Variants in CLEC1A observed in about 807,000 individuals in gnomAD.
CLEC1A encodes C-type lectin-like receptor-1.
Under a neutral mutation model 28.7 loss-of-function variants are expected in CLEC1A, and 34 were observed. That is an observed-to-expected ratio of 1.18 (90% CI 0.90 to 1.57). The LOEUF is 1.57. CLEC1A is among the 40% of genes most tolerant of loss of function. The pLI is 0.00. For synonymous variants in CLEC1A, 116 were observed against 121.0 expected (o/e 0.96, Z 0.27); for missense variants, 385 against 339.5 (o/e 1.13, Z -1.05).
intron 3 of CLEC1A, among the ~76,000 whole-genome samples, chr12:10,078,945 C>A (rs192123431): frequency 1.4e-4 from 22 of 152,322 alleles, no homozygotes; most frequent in Admixed American, 8.5e-4. Flanking sequence ...CACTTTCCCC[C>A]ATGTGTGGAA....
chr12:10,080,700 C>T lies in CLEC1A; in HGVS notation c.391+537G>A, dbSNP rs188825675. Among the ~76,000 whole-genome samples, 448 of 152,320 alleles carry T rather than the reference C, an allele frequency of 2.9e-3. 4 individuals carry two copies. Among genetic ancestry groups the T allele is most frequent in the African/African-American group, 0.01 (418 of 41,564 alleles). The stretch of plus-strand genomic sequence containing the variant: ...ACACTGAAGCGATGCTCCTAGACTT[C>T]TCCAGCAGTAATTTTATCAACGGTG... On this transcript the variant is annotated intron_variant, in intron 3 of 5. Transcript: ENST00000315330.
In CLEC1A at chr12:10,073,381, A is replaced by T. The variant is rs529271340; in HGVS notation, c.574T>A (p.Phe192Ile). 22 of 1,613,790 alleles carry T rather than the reference A, an allele frequency of 1.4e-5. No homozygotes were observed. The Middle Eastern group carries it at 6.6e-4, about 48-fold the overall frequency. ...AGCCCTGTCCAATAAGAGTAGAAAA[A>T]CTCAGAGTAGCTCTGAGACGCGGCA... ...EFAASQSYSEFFYSYWTGLLR... is the reference protein window; with the variant it reads ...EFAASQSYSEIFYSYWTGLLR... Residue 192 changes from phenylalanine to isoleucine, a missense_variant, in exon 5 of 6, where the codon TTT (phenylalanine) becomes ATT (isoleucine). Physicochemically the swap from Phe to Ile is conservative, Grantham distance 21. Coordinates refer to ENST00000315330, the MANE Select transcript of CLEC1A (RefSeq NM_016511.4).
intron 1 of CLEC1A, among the ~76,000 whole-genome samples, chr12:10,089,447 T>C (rs576897306): frequency 3.2e-4 from 49 of 152,160 alleles, no homozygotes; most frequent in Admixed American, 3.2e-3. Flanking sequence ...CACCCGTTTG[T>C]ATCCACCCCT....
chr12:10,096,934 C>G (rs2137378282), intron 1 of CLEC1A, among the ~76,000 whole-genome samples: 1 of 152,250 alleles, frequency 6.6e-6, no homozygotes, highest in East Asian at 1.9e-4. Context: ...AAGCTCTCGG[C>G]TGTACTGTAC....
intron 2 of CLEC1A, among the ~76,000 whole-genome samples, chr12:10,084,821 C>CAAAA (rs57574014): frequency 0.034 from 2,851 of 83,286 alleles, 198 homozygotes; most frequent in African/African-American, 0.1. Context: ...GACTCTGTAT[C>CAAAA]AAAAAAAAAA....
At chr12:10,083,530 G>A (rs949227678) in intron 2 of CLEC1A, among the ~76,000 whole-genome samples, 13 of 152,292 alleles carry the variant, frequency 8.5e-5, no homozygotes, top group African/African-American at 3.1e-4. Flanking sequence ...ACGCAGTAGT[G>A]TGATCTTGGC....
rs750241979 is a variant in CLEC1A at position 10,089,172 on chromosome 12, T to C, written c.166A>G (p.Thr56Ala). ...TWRPVALTLL[T>A]LCLVLLIGLA... Reference sequence around the variant, plus strand: ...CCTATCAGCAGCACCAAGCACAAAGTCAGCAGGGTCAGGGCCACTGGTCGC... The same window carrying C: ...CCTATCAGCAGCACCAAGCACAAAGCCAGCAGGGTCAGGGCCACTGGTCGC... Residue 56 changes from threonine to alanine, a missense_variant, in exon 2 of 6, where the codon ACT becomes GCT. Physicochemically the swap from Thr to Ala is moderately conservative, Grantham distance 58. Transcript: ENST00000315330. 2.5e-6 allele frequency: 4 copies of C among 1,614,016 alleles called. No homozygotes were observed. Among genetic ancestry groups the C allele is most frequent in the Non-Finnish European group, 3.4e-6 (4 of 1,179,952 alleles).
intron 1 of CLEC1A, 135 bp downstream of exon 1, chr12:10,098,670 CACT>C (rs1947809005): frequency 1.8e-6 from 1 of 560,684 alleles, no homozygotes; most frequent in South Asian, 2.8e-5. Flanking sequence ...AAAAAAAAAT[CACT>C]ACTATGTCAC....
intron 2 of CLEC1A, among the ~76,000 whole-genome samples, chr12:10,086,781 G>C (rs2137357734): frequency 6.6e-6 from 1 of 152,258 alleles, no homozygotes; most frequent in Middle Eastern, 3.4e-3. Flanking sequence ...AATAGAGAAA[G>C]AGAATCTTCC....
At chr12:10,089,553 A>G (rs1429155624) in intron 1 of CLEC1A, among the ~76,000 whole-genome samples, 1 of 151,980 alleles carries the variant, frequency 6.6e-6, no homozygotes, top group Non-Finnish European at 1.5e-5. Flanking sequence ...TAATTATGAA[A>G]GACTCTCACG....
chr12:10,071,856 T>C (rs1203488984), intron 5 of CLEC1A, among the ~76,000 whole-genome samples: 5 of 152,232 alleles, frequency 3.3e-5, no homozygotes, highest in African/African-American at 9.7e-5. Flanking sequence ...AAATATATCC[T>C]GTCTCCTGGG....
At chr12:10,094,603 A>G (rs1330140603) in intron 1 of CLEC1A, among the ~76,000 whole-genome samples, 1 of 152,142 alleles carries the variant, frequency 6.6e-6, no homozygotes, top group East Asian at 1.9e-4. Context: ...GCACAGAGCT[A>G]CCCAAGCTGA....
At chr12:10,084,840 A>T (rs1193967923) in intron 2 of CLEC1A, among the ~76,000 whole-genome samples, 1 of 143,646 alleles carries the variant, frequency 7.0e-6, no homozygotes, top group African/African-American at 2.7e-5. Context: ...AAAAAAAAAA[A>T]AAAGAAAAGA....
rs1195100398 is a variant in CLEC1A at position 10,069,568 on chromosome 12, C to T, written c.*1765G>A. 1 of 152,104 alleles carries T rather than the reference C, an allele frequency of 6.6e-6. No individual in the cohort carries two copies. The highest frequency in any genetic ancestry group is 1.5e-5 in the Non-Finnish European group (1 of 68,010). 9.4% of individuals were successfully genotyped at this position (152,104 alleles called of 1,614,324 possible). A position where few individuals can be genotyped will look rare whatever the true frequency, so the allele number is the denominator to read the frequency against. ...CATTATGAAACTGATTTCACATTTA[C>T]TTTATTTCAGCTAACAGTAACATTA... is the stretch of plus-strand genomic sequence containing the variant. On this transcript the variant is annotated 3_prime_UTR_variant, in exon 6 of 6. Coordinates refer to ENST00000315330, the MANE Select transcript of CLEC1A (RefSeq NM_016511.4).
At position 10,071,459 on chromosome 12, in the gene CLEC1A, G is replaced by T. The variant is rs1297028522; in HGVS notation, c.717C>A (p.Ile239=). Residue 239 remains isoleucine, a synonymous_variant, in exon 6 of 6, where the codon ATC becomes ATA. Coordinates refer to ENST00000315330, the MANE Select transcript of CLEC1A (RefSeq NM_016511.4). ...CCTTTGAGAAGATCATCCCATTAAG[G>T]ATGGCCACACAGTCTCTGCTTCTTG... is the stretch of plus-strand genomic sequence containing the variant. The part of the protein sequence containing the change: ...TSPRSRDCVA[I]LNGMIFSKDC... 1 of 1,613,656 alleles carries T rather than the reference G, an allele frequency of 6.2e-7. No homozygotes were observed. Among genetic ancestry groups the T allele is most frequent in the Non-Finnish European group, 8.5e-7 (1 of 1,179,802 alleles).
At chr12:10,083,184 AC>A (rs1382907886) in intron 2 of CLEC1A, among the ~76,000 whole-genome samples, 3 of 152,312 alleles carry the variant, frequency 2.0e-5, no homozygotes, top group Admixed American at 6.5e-5. Context: ...TCAAGGGATC[AC>A]CCCATGGGAT....
intron 1 of CLEC1A, among the ~76,000 whole-genome samples, chr12:10,095,311 A>G (rs1947762715): frequency 6.6e-6 from 1 of 151,854 alleles, no homozygotes; most frequent in African/African-American, 2.4e-5. Flanking sequence ...TTATTTAACC[A>G]AAGTAATTTT....
chr12:10,077,391 AGAGT>A (rs1866273281), intron 3 of CLEC1A, among the ~76,000 whole-genome samples: 1 of 152,098 alleles, frequency 6.6e-6, no homozygotes, highest in Non-Finnish European at 1.5e-5. Flanking sequence ...CCTAGACAAC[AGAGT>A]GAGACCCTGT....
chr12:10,072,634 ATCTCTCTCTC>A (rs58355839), intron 5 of CLEC1A, among the ~76,000 whole-genome samples: 5 of 148,074 alleles, frequency 3.4e-5, no homozygotes, highest in Admixed American at 6.8e-5. Context: ...TCAGGGAAAG[ATCTCTCTCTC>A]TCTCTCTCTC....
Sources: allele counts gnomAD v4.1 joint callset (sites outside exome capture counted in the v4.1 genomes callset), GRCh38; gene constraint gnomAD v4.1.1; transcripts MANE v1.5; gene names NCBI Gene and HGNC (gene_info 2026-07-23, HGNC 2026-07-21).